The following SLC22A3 variants were observed in gnomAD, a reference collection of about 807,000 sequenced individuals.
SLC22A3 encodes the protein EMT organic cation transporter 3.
Under a neutral mutation model 59.1 loss-of-function variants are expected in SLC22A3, and 51 were observed. The ratio of observed to expected loss-of-function variants is 0.86; its 90% CI spans 0.69 to 1.09. SLC22A3 has a LOEUF of 1.09. SLC22A3 is among the 50% of genes least tolerant of loss of function. The pLI is 0.00. For missense variants in SLC22A3, 711 were observed against 726.3 expected (o/e 0.98, Z 0.24); for synonymous variants, 325 against 292.0 (o/e 1.11, Z -1.15).
chr6:160,402,032 T>C (rs1158000856), intron 2 of SLC22A3, among the ~76,000 whole-genome samples: 1 of 151,870 alleles, frequency 6.6e-6, no homozygotes. Flanking sequence ...AATCCAACCA[T>C]GCCAATACTC....
intron 1 of SLC22A3, among the ~76,000 whole-genome samples, chr6:160,359,428 C>T (rs1418795348): frequency 2.6e-5 from 4 of 152,216 alleles, no homozygotes; most frequent in Non-Finnish European, 5.9e-5. Flanking sequence ...TATCAATACT[C>T]ACTTCCTGCT....
chr6:160,419,211 A>G (rs570533088), intron 5 of SLC22A3, among the ~76,000 whole-genome samples: 12 of 152,348 alleles, frequency 7.9e-5, no homozygotes, highest in African/African-American at 2.2e-4. Context: ...CTAGACCTTA[A>G]TAGCTACCGT....
chr6:160,426,695 T>C (rs868120656), intron 5 of SLC22A3, among the ~76,000 whole-genome samples: 4 of 152,340 alleles, frequency 2.6e-5, no homozygotes, highest in Non-Finnish European at 5.9e-5. Context: ...CATTAGGCCA[T>C]ACCTGCTGTG....
At chr6:160,349,565 A>T (rs559068504) in intron 1 of SLC22A3, among the ~76,000 whole-genome samples, 343 of 152,244 alleles carry the variant, frequency 2.3e-3, no homozygotes, top group African/African-American at 7.7e-3. Flanking sequence ...TTACAGGCGG[A>T]GGCTGCTGCC....
chr6:160,372,145 A>T (rs1221700635), intron 1 of SLC22A3, among the ~76,000 whole-genome samples: 1 of 152,082 alleles, frequency 6.6e-6, no homozygotes, highest in Non-Finnish European at 1.5e-5. Context: ...TGCTTTATGA[A>T]TCTGGGTACT....
At chr6:160,417,770 T>C (rs1787561008) in intron 5 of SLC22A3, among the ~76,000 whole-genome samples, 2 of 152,168 alleles carry the variant, frequency 1.3e-5, no homozygotes, top group Non-Finnish European at 2.9e-5. Context: ...CAATAGAAGC[T>C]TGAAATGTGC....
chr6:160,444,005 G>C (rs1217306525), intron 9 of SLC22A3, among the ~76,000 whole-genome samples: 1 of 152,046 alleles, frequency 6.6e-6, no homozygotes, highest in African/African-American at 2.4e-5. Flanking sequence ...GCATTCTTTG[G>C]GTTCTGAGTT....
chr6:160,397,952 C>A, intron 1 of SLC22A3, 27 bp from the exon 2 acceptor site: 1 of 1,531,164 alleles, frequency 6.5e-7, no homozygotes, highest in Non-Finnish European at 9.0e-7. Context: ...TGGCATGTCT[C>A]CATGTGTGTT....
At chr6:160,353,358 G>C (rs1248958003) in intron 1 of SLC22A3, among the ~76,000 whole-genome samples, 1 of 152,168 alleles carries the variant, frequency 6.6e-6, no homozygotes, top group East Asian at 1.9e-4. Flanking sequence ...AGTTTATTTA[G>C]CATTTATTTT....
chr6:160,436,868 T>C lies in SLC22A3; in HGVS notation c.1064T>C (p.Met355Thr), dbSNP rs1788355715. ...PQMRKCTLIL[M>T]FAWFTSAVVY... The stretch of plus-strand genomic sequence containing the variant: ...ATGAGGAAATGCACACTTATTCTTA[T>C]GTTTGCTTGGTAAGTTTGACTTGTG... The change falls in exon 6 of 11, where the codon ATG becomes ACG. Residue 355 changes from methionine to threonine, a missense_variant. By Grantham distance (81) the Met-to-Thr change is moderately conservative. Coordinates refer to ENST00000275300, the MANE Select transcript of SLC22A3 (RefSeq NM_021977.4). The C allele has an allele frequency of 6.2e-7, 1 of 1,613,630 alleles. No homozygotes were observed. The highest frequency in any genetic ancestry group is 8.5e-7 in the Non-Finnish European group (1 of 1,179,534).
chr6:160,429,418 A>G (rs1788071435), intron 5 of SLC22A3, among the ~76,000 whole-genome samples: 1 of 152,066 alleles, frequency 6.6e-6, no homozygotes. Flanking sequence ...AGCTACTAAC[A>G]CCATCCCCTT....
At chr6:160,426,238 G>A in intron 5 of SLC22A3, 2 of 985,372 alleles carry the variant, frequency 2.0e-6, no homozygotes, top group Non-Finnish European at 2.4e-6. Flanking sequence ...ACATAAGGAA[G>A]GCAAAATTTG....
At position 160,451,016 on chromosome 6, in the gene SLC22A3, G is replaced by C; in HGVS notation, c.1631G>C (p.Gly544Ala). Residue 544 changes from glycine to alanine, a missense_variant, in exon 11 of 11, where the codon GGC becomes GCC. By Grantham distance (60) the Gly-to-Ala change is moderately conservative. Transcript: ENST00000275300. ...TTCAGTCCACATTCCTGTAAATGTG[G>C]CAGGAATAAGAAAACCCCAGTTTCC... Reference protein sequence around the residue: ...KLGSPHSCKCGRNKKTPVSRS... With the variant: ...KLGSPHSCKCARNKKTPVSRS... The C allele has an allele frequency of 1.3e-6, 2 of 1,595,090 alleles. No homozygotes were observed. The highest frequency in any genetic ancestry group is 1.1e-5 in the South Asian group (1 of 88,024).
intron 1 of SLC22A3, among the ~76,000 whole-genome samples, chr6:160,380,978 A>G (rs1398601192): frequency 6.6e-6 from 1 of 152,238 alleles, no homozygotes; most frequent in Non-Finnish European, 1.5e-5. Context: ...AAAGGTAAAC[A>G]TAATTCAAAT....
intron 1 of SLC22A3, among the ~76,000 whole-genome samples, chr6:160,360,628 T>C (rs1416503711): frequency 6.6e-6 from 1 of 152,250 alleles, no homozygotes; most frequent in African/African-American, 2.4e-5. Flanking sequence ...AGTACTGTCC[T>C]GACCCGGAAA....
At chr6:160,423,501 C>T (rs890385331) in intron 5 of SLC22A3, among the ~76,000 whole-genome samples, 1 of 1,580 alleles carries the variant, frequency 6.3e-4, no homozygotes, top group African/African-American at 7.2e-3. Context: ...CTGTTGTTTC[C>T]TGACTTATTT....
chr6:160,437,934 G>A (rs1035047318), intron 7 of SLC22A3, among the ~76,000 whole-genome samples: 1 of 152,154 alleles, frequency 6.6e-6, no homozygotes, highest in Non-Finnish European at 1.5e-5. Context: ...CTGGAATCCA[G>A]ACAAGGAGCC....
At chr6:160,429,343 T>C (rs1472477335) in intron 5 of SLC22A3, among the ~76,000 whole-genome samples, 2 of 152,218 alleles carry the variant, frequency 1.3e-5, no homozygotes, top group Non-Finnish European at 2.9e-5. Flanking sequence ...CCTTGTGAAA[T>C]ACGGCAACTG....
At chr6:160,388,121 G>C (rs1201996912) in intron 1 of SLC22A3, among the ~76,000 whole-genome samples, 1 of 152,148 alleles carries the variant, frequency 6.6e-6, no homozygotes, top group African/African-American at 2.4e-5. Flanking sequence ...CCAGCCTTCT[G>C]ACCTACAGCA....
Sources: allele counts gnomAD v4.1 joint callset (sites outside exome capture counted in the v4.1 genomes callset), GRCh38; gene constraint gnomAD v4.1.1; transcripts MANE v1.5; gene names NCBI Gene and HGNC (gene_info 2026-07-23, HGNC 2026-07-21).